Variants in PRELID2 observed in about 807,000 individuals in gnomAD.
The protein encoded by PRELID2 is PRELI domain containing 2, also known as PRELI domain-containing protein 2.
In PRELID2, 25 loss-of-function variants were observed where a neutral mutation model predicts 28.4. The ratio of observed to expected loss-of-function variants is 0.88; its 90% confidence interval spans 0.64 to 1.23. The LOEUF is 1.23. PRELID2 is among the 50% of genes most tolerant of loss of function. The pLI, the probability that PRELID2 is intolerant of heterozygous loss-of-function variation, is 0.00. For synonymous variants in PRELID2, 76 were observed against 71.6 expected (o/e 1.06, Z -0.31); for missense variants, 201 against 214.4 (o/e 0.94, Z 0.39).
the PRELID2 span, among the ~76,000 whole-genome samples, chr5:145,440,109 C>G: frequency 6.6e-6 from 1 of 152,084 alleles, no homozygotes; most frequent in African/African-American, 2.4e-5. Flanking sequence ...TTCCATGAGA[C>G]TTGGGAAAAT....
the PRELID2 span, among the ~76,000 whole-genome samples, chr5:145,315,545 GGTGT>G: frequency 0.014 from 2,031 of 142,942 alleles, 8 homozygotes; most frequent in East Asian, 0.025. Flanking sequence ...GCTCTTTCAG[GGTGT>G]GTGTGTGTGT....
chr5:145,604,711 C>T (rs1753470207), intron 1 of PRELID2, among the ~76,000 whole-genome samples: 1 of 144,198 alleles, frequency 6.9e-6, no homozygotes, highest in South Asian at 2.2e-4. Context: ...TAAGCATTCT[C>T]TTATCTCCAC....
chr5:145,752,528 C>T (rs973205284), downstream of PRELID2, among the ~76,000 whole-genome samples: 1 of 152,160 alleles, frequency 6.6e-6, no homozygotes, highest in African/African-American at 2.4e-5. Flanking sequence ...GGGCAGGGTT[C>T]GGGAGACGGA....
chr5:145,355,863 T>A, the PRELID2 span, among the ~76,000 whole-genome samples: 1 of 152,172 alleles, frequency 6.6e-6, no homozygotes, highest in Non-Finnish European at 1.5e-5. Flanking sequence ...GGTATGTACT[T>A]TATGTAGCAC....
intron 1 of PRELID2, among the ~76,000 whole-genome samples, chr5:145,824,425 C>CGTGTATGTGTGTGTGTGT (rs1554100809): frequency 7.3e-5 from 7 of 96,160 alleles, no homozygotes; most frequent in African/African-American, 2.1e-4. Context: ...CCACAGCAGG[C>CGTGTATGTGTGTGTGTGT]GTGTGTGTGT....
At chr5:145,680,474 T>C (rs1011060462) in intron 1 of PRELID2, among the ~76,000 whole-genome samples, 5 of 152,144 alleles carry the variant, frequency 3.3e-5, no homozygotes, top group Non-Finnish European at 5.9e-5. Context: ...AGCAGTAGAA[T>C]TGGGATCCAG....
chr5:145,622,842 C>G (rs1385101531), intron 1 of PRELID2, among the ~76,000 whole-genome samples: 1 of 151,890 alleles, frequency 6.6e-6, no homozygotes, highest in African/African-American at 2.4e-5. Context: ...GACAAATTAT[C>G]TGTATTTAAA....
intron 1 of PRELID2, among the ~76,000 whole-genome samples, chr5:145,720,469 G>GA (rs929338461): frequency 4.0e-5 from 6 of 151,392 alleles, no homozygotes; most frequent in South Asian, 2.1e-4. Flanking sequence ...AATTCAAGAG[G>GA]AAAAAAAATG....
At chr5:145,546,101 T>C (rs969200782) in intron 1 of PRELID2, among the ~76,000 whole-genome samples, 10 of 152,138 alleles carry the variant, frequency 6.6e-5, no homozygotes, top group African/African-American at 2.4e-4. Context: ...TTTCCAGGCC[T>C]CACATACTAT....
intron 1 of PRELID2, among the ~76,000 whole-genome samples, chr5:145,547,757 T>C (rs975127013): frequency 6.6e-6 from 1 of 152,224 alleles, no homozygotes; most frequent in Non-Finnish European, 1.5e-5. Context: ...CTTTGGTGTC[T>C]CAATGTTGGT....
the PRELID2 span, among the ~76,000 whole-genome samples, chr5:145,323,477 T>C: frequency 7.9e-5 from 12 of 152,176 alleles, no homozygotes; most frequent in Non-Finnish European, 4.4e-5. Context: ...AAAACACTTT[T>C]ATTTTAGGTT....
In PRELID2 at chr5:145,590,824, C is replaced by T. The variant is rs116200740; in HGVS notation, n.71-117509G>A. Among the ~76,000 whole-genome samples, 904 of 152,094 alleles carry T rather than the reference C, an allele frequency of 5.9e-3. 13 individuals carry two copies. The highest frequency in any genetic ancestry group is 0.02 in the African/African-American group (833 of 41,470). On this transcript the variant is annotated intron_variant and non_coding_transcript_variant, in intron 1 of 2. Transcript: ENST00000510259. ...CTCTGGCCCCCAGAGTTTGCCTATG[C>T]CCCCCACTGACATTAATTAAAACCC... is the stretch of plus-strand genomic sequence containing the variant.
chr5:145,284,875 G>T, the PRELID2 span, among the ~76,000 whole-genome samples: 4 of 151,984 alleles, frequency 2.6e-5, no homozygotes, highest in East Asian at 7.7e-4. Flanking sequence ...TTCCTTAGAA[G>T]AATTTAATTC....
At chr5:145,713,948 A>C (rs1755774972) in intron 1 of PRELID2, among the ~76,000 whole-genome samples, 1 of 151,818 alleles carries the variant, frequency 6.6e-6, no homozygotes, top group African/African-American at 2.4e-5. Context: ...TTGTTCTTCA[A>C]ATATGCATGG....
At chr5:145,288,746 C>T in the PRELID2 span, among the ~76,000 whole-genome samples, 2 of 152,034 alleles carry the variant, frequency 1.3e-5, no homozygotes, top group Non-Finnish European at 2.9e-5. Flanking sequence ...TATATTAATC[C>T]AAACATGAGT....
At chr5:145,366,600 T>C in the PRELID2 span, among the ~76,000 whole-genome samples, 179 of 152,030 alleles carry the variant, frequency 1.2e-3, 5 homozygotes, top group Non-Finnish European at 4.0e-4. Flanking sequence ...TAATGTTATA[T>C]TAAAATTTAT....
chr5:145,734,191 C>T (rs1266078417), intron 1 of PRELID2, among the ~76,000 whole-genome samples: 1 of 152,160 alleles, frequency 6.6e-6, no homozygotes, highest in Non-Finnish European at 1.5e-5. Context: ...TCATAACTCA[C>T]TGCAGCCTTG....
chr5:145,255,816 CAG>C, the PRELID2 span, among the ~76,000 whole-genome samples: 4 of 149,700 alleles, frequency 2.7e-5, no homozygotes, highest in Non-Finnish European at 5.9e-5. Context: ...AACTTAAACA[CAG>C]AGAGAGTAAA....
At chr5:145,440,597 C>T in the PRELID2 span, among the ~76,000 whole-genome samples, 1 of 152,032 alleles carries the variant, frequency 6.6e-6, no homozygotes, top group South Asian at 2.1e-4. Context: ...GACCTCCCTT[C>T]CTTTGCTCGG....
Sources: allele counts gnomAD v4.1 joint callset (sites outside exome capture counted in the v4.1 genomes callset), GRCh38; gene constraint gnomAD v4.1.1; transcripts MANE v1.5; gene names NCBI Gene and HGNC (gene_info 2026-07-23, HGNC 2026-07-21).